The following BRWD1 variants were observed in gnomAD, a reference collection of about 807,000 sequenced individuals.
BRWD1 encodes the protein bromodomain and WD repeat-containing protein 1.
In BRWD1, 82 loss-of-function variants were observed where a neutral mutation model predicts 251.2. The ratio of observed to expected loss-of-function variants is 0.33; its 90% confidence interval spans 0.27 to 0.39. BRWD1 has a LOEUF of 0.39. BRWD1 is among the 10% of genes least tolerant of loss of function. BRWD1 has a pLI of 1.00. For missense variants in BRWD1, 2,233 were observed against 2,711.6 expected, an observed-to-expected ratio of 0.82 and a Z score of 3.92; for synonymous variants, 918 against 902.8, an observed-to-expected ratio of 1.02 and a Z score of -0.30.
At chr21:39,222,477 G>A (rs1360929821) in intron 29 of BRWD1, among the ~76,000 whole-genome samples, 2 of 152,302 alleles carry the variant, frequency 1.3e-5, no homozygotes, top group East Asian at 1.9e-4. Flanking sequence ...ATTGCCAGAA[G>A]CTATGAAAAC....
At chr21:39,302,207 C>T (rs1263252525) in intron 4 of BRWD1, among the ~76,000 whole-genome samples, 1 of 151,834 alleles carries the variant, frequency 6.6e-6, no homozygotes, top group Non-Finnish European at 1.5e-5. Flanking sequence ...TGGTCTCGAA[C>T]TCCTGACCTC....
chr21:39,196,066 G>A lies in BRWD1; in HGVS notation c.*193C>T, dbSNP rs757315802. Reference sequence around the variant, plus strand: ...CAAAATGAAGCATATTTTGGCACCTGTGCTGAATGCTGCTACAAAGACCAG... The same window carrying A: ...CAAAATGAAGCATATTTTGGCACCTATGCTGAATGCTGCTACAAAGACCAG... On this transcript the variant is annotated 3_prime_UTR_variant, in exon 41 of 41. Coordinates refer to ENST00000342449, the MANE Select transcript of BRWD1 (RefSeq NM_033656.4). 4.6e-5 allele frequency: 62 copies of A among 1,336,266 alleles called. No homozygotes were observed. Among genetic ancestry groups the A allele is most frequent in the Middle Eastern group, 2.8e-4 (1 of 3,616 alleles). The allele number at this position is 1,336,266 out of a possible 1,614,324, so 82.8% of individuals were successfully genotyped here.
At chr21:39,274,565 G>C in intron 12 of BRWD1, 93 bp from the exon 13 acceptor site, 1 of 1,023,432 alleles carries the variant, frequency 9.8e-7, no homozygotes, top group Non-Finnish European at 1.5e-6. Flanking sequence ...ATGTAATGAA[G>C]CTGTCCTAAC....
At position 39,194,745 on chromosome 21, in the gene BRWD1, G is replaced by T; in HGVS notation, c.*1514C>A. ...ACTTCAAAGATACACAGGAGAAAAG[G>T]TTTTGTCTGAAACCAAACACAATTA... is the stretch of plus-strand genomic sequence containing the variant. On this transcript the variant is annotated 3_prime_UTR_variant, in exon 41 of 41. Transcript: ENST00000342449. 2.0e-6 allele frequency: 3 copies of T among 1,535,168 alleles called. No homozygotes were observed. Among genetic ancestry groups the T allele is most frequent in the Non-Finnish European group, 2.6e-6 (3 of 1,145,996 alleles).
At position 39,195,625 on chromosome 21, in the gene BRWD1, A is replaced by C. The variant is rs1421840148; in HGVS notation, c.*634T>G. 2.0e-6 allele frequency: 2 copies of C among 984,346 alleles called. No individual in the cohort carries two copies. The highest frequency in any genetic ancestry group is 1.7e-5 in the African/African-American group (1 of 57,194). The allele number at this position is 984,346 out of a possible 1,614,324, so 61.0% of individuals were successfully genotyped here. A position where few individuals can be genotyped will look rare whatever the true frequency, so the allele number is the denominator to read the frequency against. ...AATTCAAGTTTATAACATAAAAGTG[A>C]CAACGTTTTCCTTAAGAAGAAAAAA... On this transcript the variant is annotated 3_prime_UTR_variant, in exon 41 of 41. Coordinates refer to ENST00000342449, the MANE Select transcript of BRWD1 (RefSeq NM_033656.4).
At chr21:39,250,766 A>G (rs1260033851) in intron 20 of BRWD1, 30 bp downstream of exon 20, 4 of 1,357,256 alleles carry the variant, frequency 2.9e-6, no homozygotes, top group Non-Finnish European at 4.1e-6. Context: ...TGTAATTTCT[A>G]ATTTGCTAAG....
chr21:39,316,185 G>A (rs904140049), upstream of BRWD1, among the ~76,000 whole-genome samples: 1 of 152,182 alleles, frequency 6.6e-6, no homozygotes, highest in East Asian at 1.9e-4. Context: ...GCATGAGGGC[G>A]TTGGTCATAA....
chr21:39,252,005 AC>A (rs756961600), intron 19 of BRWD1, among the ~76,000 whole-genome samples: 2 of 152,092 alleles, frequency 1.3e-5, no homozygotes, highest in Non-Finnish European at 2.9e-5. Flanking sequence ...AGTGGCCCAC[AC>A]CTGTAATCCC....
chr21:39,187,789 A>G lies in BRWD1; in HGVS notation c.*8470T>C, dbSNP rs1423845875. Reference sequence around the variant, plus strand: ...TTCTGACCTAGGTATGTGACACACGAGATTCAGATTAAAATTCTAAAAAAT... The same window carrying G: ...TTCTGACCTAGGTATGTGACACACGGGATTCAGATTAAAATTCTAAAAAAT... On this transcript the variant is annotated 3_prime_UTR_variant, in exon 41 of 41. Coordinates refer to ENST00000342449, the MANE Select transcript of BRWD1 (RefSeq NM_033656.4). The G allele has an allele frequency of 1.0e-6, 1 of 985,202 alleles. No homozygotes were observed. Among genetic ancestry groups the G allele is most frequent in the East Asian group, 1.1e-4 (1 of 8,826 alleles). The allele number at this position is 985,202 out of a possible 1,614,324, so 61.0% of individuals were successfully genotyped here.
chr21:39,268,974 C>A (rs1418760455), intron 15 of BRWD1, among the ~76,000 whole-genome samples: 1 of 151,506 alleles, frequency 6.6e-6, no homozygotes, highest in Non-Finnish European at 1.5e-5. Context: ...GGCGACAGAG[C>A]GAGACTCTGT....
Position 39,232,507 on chromosome 21 carries a change from G to T in BRWD1, c.2767-9C>A, listed in dbSNP as rs377625633. On this transcript the variant is annotated splice_polypyrimidine_tract_variant and intron_variant, in intron 23 of 40. Transcript: ENST00000342449. ...GTCATCCTCCGCAAATTCTACCAAGGGGAAGAGAACAAAGTTTCTTAGATT... is the reference window on the plus strand; with the variant it reads ...GTCATCCTCCGCAAATTCTACCAAGTGGAAGAGAACAAAGTTTCTTAGATT... The T allele has an allele frequency of 1.3e-6, 2 of 1,582,266 alleles. No individual in the cohort carries two copies. Among genetic ancestry groups the T allele is most frequent in the East Asian group, 4.5e-5 (2 of 44,576 alleles).
chr21:39,261,627 T>C (rs140041241), intron 17 of BRWD1, among the ~76,000 whole-genome samples: 4 of 152,144 alleles, frequency 2.6e-5, no homozygotes, highest in Non-Finnish European at 4.4e-5. Flanking sequence ...CCATGAAAGG[T>C]TGCAGATACA....
At chr21:39,275,256 AG>A (rs1425200226) in intron 12 of BRWD1, among the ~76,000 whole-genome samples, 2 of 152,218 alleles carry the variant, frequency 1.3e-5, no homozygotes, top group Non-Finnish European at 2.9e-5. Flanking sequence ...CACACAATGG[AG>A]GCAAAGAAGG....
intron 8 of BRWD1, among the ~76,000 whole-genome samples, chr21:39,290,845 ATC>A (rs1389408038): frequency 3.9e-5 from 6 of 152,142 alleles, no homozygotes; most frequent in Non-Finnish European, 7.3e-5. Flanking sequence ...ATAAAACACT[ATC>A]TCAGCAAGGC....
chr21:39,188,061 G>A lies in BRWD1; in HGVS notation c.*8198C>T. The A allele has an allele frequency of 1.1e-5, 11 of 985,432 alleles. No individual in the cohort carries two copies. Among genetic ancestry groups the A allele is most frequent in the Non-Finnish European group, 1.3e-5 (11 of 829,916 alleles). 61.0% of individuals were successfully genotyped at this position (985,432 alleles called of 1,614,324 possible). On this transcript the variant is annotated 3_prime_UTR_variant, in exon 41 of 41. Coordinates refer to ENST00000342449, the MANE Select transcript of BRWD1 (RefSeq NM_033656.4). ...AGCTCTACACAGCCACATGATGCCA[G>A]AGCTACTACTCCGTGCTGACCAAAC...
chr21:39,198,327 T>C lies in BRWD1; in HGVS notation c.5653+436A>G, dbSNP rs138277964. ...GAAAACATTTAGAAAAACTTCCTAA[T>C]AGAAACAGCTCAGTAACTGTTTTAT... is the stretch of plus-strand genomic sequence containing the variant. On this transcript the variant is annotated intron_variant, in intron 40 of 40. Transcript: ENST00000342449. Among the ~76,000 whole-genome samples, 534 of 152,356 alleles carry C rather than the reference T, an allele frequency of 3.5e-3. 4 individuals carry two copies. Among genetic ancestry groups the C allele is most frequent in the African/African-American group, 0.012 (509 of 41,574 alleles).
At chr21:39,289,820 C>T (rs897770979) in intron 8 of BRWD1, among the ~76,000 whole-genome samples, 6 of 151,652 alleles carry the variant, frequency 4.0e-5, no homozygotes, top group African/African-American at 9.7e-5. Flanking sequence ...GTCAGGAGAT[C>T]GAGACCATCT....
At position 39,191,495 on chromosome 21, in the gene BRWD1, G is replaced by T. The variant is rs1206359127; in HGVS notation, c.*4764C>A. The T allele has an allele frequency of 1.0e-5, 10 of 973,222 alleles. No homozygotes were observed. Among genetic ancestry groups the T allele is most frequent in the African/African-American group, 1.8e-5 (1 of 56,906 alleles). The allele number at this position is 973,222 out of a possible 1,614,324, so 60.3% of individuals were successfully genotyped here. ...CTGACAAAAATCATCTAAATGAATA[G>T]ATTAATTTAGAACATTAACGATCTT... On this transcript the variant is annotated 3_prime_UTR_variant, in exon 41 of 41. Coordinates refer to ENST00000342449, the MANE Select transcript of BRWD1 (RefSeq NM_033656.4).
intron 14 of BRWD1, 106 bp from the exon 15 acceptor site, chr21:39,270,139 A>G (rs1054848751): frequency 1.7e-5 from 21 of 1,207,210 alleles, no homozygotes; most frequent in East Asian, 5.6e-5. Flanking sequence ...GTATTCGACA[A>G]TAATTTATAA....
Sources: gnomAD v4.1 joint callset for allele counts (sites outside exome capture counted in the v4.1 genomes callset) on GRCh38, gnomAD v4.1.1 for gene constraint, MANE v1.5 for transcripts, NCBI Gene and HGNC (gene_info 2026-07-23, HGNC 2026-07-21) for gene names.